The following ZNF608 variants were observed in gnomAD, a reference collection of about 807,000 sequenced individuals.
ZNF608 encodes zinc finger protein 608.
In ZNF608, 12 loss-of-function variants were observed where a neutral mutation model predicts 109.0. That is an observed-to-expected ratio of 0.11 (90% confidence interval 0.07 to 0.18). ZNF608 has a LOEUF of 0.18. Ranked by LOEUF, ZNF608 falls within the 10% of genes least tolerant of loss-of-function variation. ZNF608 has a pLI of 1.00. For missense variants in ZNF608, 1,707 were observed against 1,879.3 expected (o/e 0.91, Z 1.70); for synonymous variants, 732 against 717.4 (o/e 1.02, Z -0.33).
chr5:124,646,567 C>G (rs1359127995), intron 5 of ZNF608, 112 bp downstream of exon 5: 15 of 1,349,984 alleles, frequency 1.1e-5, no homozygotes, highest in Non-Finnish European at 1.4e-5. Flanking sequence ...GAGGAAAAAA[C>G]TAATATGGGT....
intron 3 of ZNF608, among the ~76,000 whole-genome samples, chr5:124,689,023 CAAT>C (rs1752505082): frequency 6.6e-6 from 1 of 152,018 alleles, no homozygotes; most frequent in African/African-American, 2.4e-5. Context: ...ATTAAAAACA[CAAT>C]AATATTTACA....
chr5:124,648,611 A>G lies in ZNF608; in HGVS notation c.1773T>C (p.Ser591=). 1 of 1,614,218 alleles carries G rather than the reference A, an allele frequency of 6.2e-7. No homozygotes were observed. Among genetic ancestry groups the G allele is most frequent in the Non-Finnish European group, 8.5e-7 (1 of 1,180,036 alleles). ...PENKLEFEPD[S]EDKISDCEEG... is the part of the protein sequence containing the mutation. ...CCTCACAGTCCGAGATCTTGTCCTC[A>G]CTGTCAGGCTCGAACTCCAGCTTGT... The change falls in exon 5 of 10, where the codon AGT becomes AGC. Residue 591 remains serine (S), a synonymous_variant. Transcript: ENST00000513986.
In ZNF608 at chr5:124,660,420, G is replaced by T. The variant is rs576476550; in HGVS notation, c.1163-10723C>A. Among the ~76,000 whole-genome samples the T allele has an allele frequency of 9.2e-5, 14 of 152,324 alleles. No individual in the cohort carries two copies. The South Asian group carries it at 2.7e-3, about 29-fold the overall frequency. ...TGGCCATGCCCTGCAGGCAGTGTGGGAAGTAGTTCCCACATTCTGGTAGAG... is the reference window on the plus strand; with the variant it reads ...TGGCCATGCCCTGCAGGCAGTGTGGTAAGTAGTTCCCACATTCTGGTAGAG... On this transcript the variant is annotated intron_variant, in intron 3 of 9. Coordinates refer to ENST00000513986, the MANE Select transcript of ZNF608 (RefSeq NM_020747.3).
intron 2 of ZNF608, among the ~76,000 whole-genome samples, chr5:124,706,763 G>A (rs982287002): frequency 1.3e-5 from 2 of 152,192 alleles, no homozygotes; most frequent in African/African-American, 2.4e-5. Context: ...CTAACAGCTG[G>A]TGGTGGCAGC....
chr5:124,747,575 TAA>T (rs778441632), upstream of ZNF608, among the ~76,000 whole-genome samples: 5 of 142,706 alleles, frequency 3.5e-5, no homozygotes, highest in Non-Finnish European at 3.1e-5. Context: ...ATCTGGTCTT[TAA>T]AAAAAAAAAA....
intron 3 of ZNF608, among the ~76,000 whole-genome samples, chr5:124,696,634 C>T (rs1752860319): frequency 6.6e-6 from 1 of 152,054 alleles, no homozygotes; most frequent in Admixed American, 6.5e-5. Flanking sequence ...CTCTTAAATC[C>T]TCTGTGGAGT....
chr5:124,708,598 A>C (rs746551365), intron 2 of ZNF608: 25 of 410,576 alleles, frequency 6.1e-5, no homozygotes, highest in Non-Finnish European at 1.1e-4. Context: ...TTAAAACCTT[A>C]CTGAAACCAA....
At chr5:124,722,205 C>CTAGAAGCCCAGCTGACTAGAAG (rs1415229965) in intron 2 of ZNF608, among the ~76,000 whole-genome samples, 5 of 152,080 alleles carry the variant, frequency 3.3e-5, no homozygotes, top group African/African-American at 1.2e-4. Flanking sequence ...GAAGAGATGA[C>CTAGAAGCCCAGCTGACTAGAAG]CTGCATAGAT....
At chr5:124,679,458 T>C (rs1395346849) in intron 3 of ZNF608, among the ~76,000 whole-genome samples, 2 of 149,486 alleles carry the variant, frequency 1.3e-5, no homozygotes, top group African/African-American at 2.4e-5. Flanking sequence ...CTTCCTTCCT[T>C]CTGTCCTTCC....
rs1561530474 is a variant in ZNF608, at chr5:124,644,681, G to A, written c.3706-20C>T. 23 of 1,513,472 alleles carry A rather than the reference G, an allele frequency of 1.5e-5. No homozygotes were observed. The highest frequency in any genetic ancestry group is 4.2e-5 in the African/African-American group (3 of 71,314). 93.8% of individuals were successfully genotyped at this position (1,513,472 alleles called of 1,614,324 possible). A position where few individuals can be genotyped will look rare whatever the true frequency, so the allele number is the denominator to read the frequency against. Reference sequence around the variant, plus strand: ...TGGGTCCTGATTTTTTTGTTTTAAAGAAAAAAAACCCAACAGATTTGTTTT... The same window carrying A: ...TGGGTCCTGATTTTTTTGTTTTAAAAAAAAAAAACCCAACAGATTTGTTTT... On this transcript the variant is annotated intron_variant, in intron 5 of 9. Transcript: ENST00000513986.
chr5:124,676,653 G>A (rs1345243328), intron 3 of ZNF608, among the ~76,000 whole-genome samples: 1 of 152,212 alleles, frequency 6.6e-6, no homozygotes, highest in African/African-American at 2.4e-5. Flanking sequence ...AGGAGAAAGT[G>A]TGTGAAATAG....
chr5:124,692,684 AG>A (rs1752670677), intron 3 of ZNF608, among the ~76,000 whole-genome samples: 1 of 152,190 alleles, frequency 6.6e-6, no homozygotes, highest in Non-Finnish European at 1.5e-5. Flanking sequence ...ATGAAGAGCA[AG>A]GGCTCTGAAA....
intron 2 of ZNF608, among the ~76,000 whole-genome samples, chr5:124,715,998 C>T (rs959977301): frequency 2.0e-5 from 3 of 151,908 alleles, no homozygotes; most frequent in Non-Finnish European, 4.4e-5. Context: ...AAAAAATTAG[C>T]CGGGCGTGGT....
chr5:124,728,951 C>A (rs961228665), intron 2 of ZNF608, among the ~76,000 whole-genome samples: 1 of 152,146 alleles, frequency 6.6e-6, no homozygotes, highest in Non-Finnish European at 1.5e-5. Context: ...CACTATAGAA[C>A]CCTATTAGCC....
At chr5:124,650,262 A>C (rs1750719919) in intron 3 of ZNF608, among the ~76,000 whole-genome samples, 1 of 152,248 alleles carries the variant, frequency 6.6e-6, no homozygotes, top group Non-Finnish European at 1.5e-5. Flanking sequence ...CTACGATTTC[A>C]CTTCCCTAAT....
At chr5:124,703,819 T>A (rs1753152166) in intron 2 of ZNF608, among the ~76,000 whole-genome samples, 1 of 152,120 alleles carries the variant, frequency 6.6e-6, no homozygotes, top group Non-Finnish European at 1.5e-5. Flanking sequence ...CCGCCTAATA[T>A]TGATGACATA....
intron 3 of ZNF608, among the ~76,000 whole-genome samples, chr5:124,671,531 G>A (rs1240151456): frequency 6.6e-6 from 1 of 152,026 alleles, no homozygotes; most frequent in Non-Finnish European, 1.5e-5. Context: ...AATACCTCAA[G>A]AGTCAAATTT....
chr5:124,723,604 CT>C (rs1455827117), intron 2 of ZNF608, among the ~76,000 whole-genome samples: 1 of 152,160 alleles, frequency 6.6e-6, no homozygotes, highest in African/African-American at 2.4e-5. Context: ...AGGAGAATCA[CT>C]TGAACCCAGG....
chr5:124,687,528 C>G (rs915675257), intron 3 of ZNF608, among the ~76,000 whole-genome samples: 7 of 152,118 alleles, frequency 4.6e-5, no homozygotes, highest in African/African-American at 1.7e-4. Context: ...CTATTCAATT[C>G]CAAGAAATTA....
Sources: gnomAD v4.1 joint callset for allele counts (sites outside exome capture counted in the v4.1 genomes callset) on GRCh38, gnomAD v4.1.1 for gene constraint, MANE v1.5 for transcripts, NCBI Gene and HGNC (gene_info 2026-07-23, HGNC 2026-07-21) for gene names.